Variants in SLC9A6 observed in about 807,000 individuals in gnomAD.
SLC9A6 encodes solute carrier family 9 member A6.
In SLC9A6, 6 loss-of-function variants were observed where a neutral mutation model predicts 45.3. That is an observed-to-expected ratio of 0.13 (90% CI 0.07 to 0.26). The LOEUF (loss-of-function observed/expected upper bound fraction) is 0.26. SLC9A6 is among the 10% of genes least tolerant of loss of function. SLC9A6 has a pLI of 1.00. For synonymous variants in SLC9A6, 191 were observed against 187.7 expected, an observed-to-expected ratio of 1.02 and a Z score of -0.14; for missense variants, 278 against 503.7, an observed-to-expected ratio of 0.55 and a Z score of 4.29.
chrX:135,985,545 G>T, intron 1 of SLC9A6, 58 bp from the exon 2 acceptor site: 1 of 1,173,041 alleles, frequency 8.5e-7, no homozygotes, highest in Non-Finnish European at 1.1e-6. Flanking sequence ...CCGCCGTGGC[G>T]TCGGCAGCAG....
intron 15 of SLC9A6, chrX:136,033,194 G>GT (rs1470846647): frequency 7.8e-6 from 2 of 256,073 alleles, no homozygotes; most frequent in African/African-American, 5.7e-5. Context: ...GAGTAGATTC[G>GT]TAAGTTAGCA....
chrX:136,027,755 A>G (rs1362693086), intron 13 of SLC9A6, among the ~76,000 whole-genome samples: 1 of 112,274 alleles, frequency 8.9e-6, no homozygotes, highest in Non-Finnish European at 1.9e-5. Flanking sequence ...ATGGTAAGGG[A>G]TTTGGATTTT....
At chrX:136,012,887 G>A in intron 8 of SLC9A6, 62 bp from the exon 9 acceptor site, 7 of 862,063 alleles carry the variant, frequency 8.1e-6, no homozygotes, top group Non-Finnish European at 1.2e-5. Flanking sequence ...TGCTTAAACT[G>A]TTATTTTTTC....
chrX:136,010,296 G>T, intron 7 of SLC9A6, 146 bp from the exon 8 acceptor site: 1 of 565,445 alleles, frequency 1.8e-6, no homozygotes, highest in Non-Finnish European at 2.8e-6. Context: ...CAGGATTTTT[G>T]GGTAATTTTG....
chrX:135,998,191 T>A lies in SLC9A6; in HGVS notation c.447+6T>A, dbSNP rs782310816. The A allele has an allele frequency of 6.8e-6, 7 of 1,035,203 alleles. No homozygotes were observed. The highest frequency in any genetic ancestry group is 9.5e-6 in the Non-Finnish European group (7 of 734,730). 85.3% of individuals were successfully genotyped at this position (1,035,203 alleles called of 1,213,427 possible). A position where few individuals can be genotyped will look rare whatever the true frequency, so the allele number is the denominator to read the frequency against. On this transcript the variant is annotated splice_donor_region_variant and intron_variant, in intron 4 of 17. Coordinates refer to ENST00000630721, the MANE Select transcript of SLC9A6 (RefSeq NM_001379110.1). ...CAGGTTATAGCCTGAAAAGGGTAAGTCCTTTTGTCTTTCATATACTTTGAA... is the reference window on the plus strand; with the variant it reads ...CAGGTTATAGCCTGAAAAGGGTAAGACCTTTTGTCTTTCATATACTTTGAA...
Position 135,985,613 on chromosome X carries a change from T to C in SLC9A6, c.-46T>C. On this transcript the variant is annotated 5_prime_UTR_variant, in exon 2 of 18. Coordinates refer to ENST00000630721, the MANE Select transcript of SLC9A6 (RefSeq NM_001379110.1). ...GGTTGCTCCTCGCAGTGGGCGTCTT[T>C]GACTGGGCAGGGGCTTCGGACGGCG... 8.3e-7 allele frequency: 1 copy of C among 1,208,874 alleles called. No homozygotes were observed. Among genetic ancestry groups the C allele is most frequent in the Non-Finnish European group, 1.1e-6 (1 of 894,474 alleles).
chrX:136,003,150 G>A (rs1463026207), intron 7 of SLC9A6, among the ~76,000 whole-genome samples: 8 of 110,123 alleles, frequency 7.3e-5, no homozygotes, highest in African/African-American at 9.9e-5. Context: ...CACCACGCCC[G>A]GCTAATTTTT....
chrX:135,984,997 G>GT (rs782717797), upstream of SLC9A6: 619 of 101,015 alleles, frequency 6.1e-3, 3 homozygotes, highest in Middle Eastern at 0.015. Flanking sequence ...GTTTTTTTGT[G>GT]TTTTTTTTTT....
chrX:136,013,386 A>C lies in SLC9A6; in HGVS notation c.1029A>C (p.Ala343=), dbSNP rs142049079. 6,095 of 1,206,366 alleles carry C rather than the reference A, an allele frequency of 5.1e-3. 22 individuals carry two copies. Among genetic ancestry groups the C allele is most frequent in the Middle Eastern group, 0.015 (64 of 4,299 alleles). Residue 343 remains alanine, a synonymous_variant, in exon 10 of 18, where the codon GCA becomes GCC. Transcript: ENST00000630721. ...TATTGTTTTGTGGCATCACACAAGCACATTATACGTATAATAATTTGTCCA... is the reference window on the plus strand; with the variant it reads ...TATTGTTTTGTGGCATCACACAAGCCCATTATACGTATAATAATTTGTCCA... ...VAVLFCGITQ[A]HYTYNNLSTE...
chrX:136,010,973 G>A (rs1354476530), intron 8 of SLC9A6, among the ~76,000 whole-genome samples: 2 of 112,160 alleles, frequency 1.8e-5, no homozygotes, highest in African/African-American at 6.5e-5. Flanking sequence ...ATGTACAACA[G>A]CGACGCCGAA....
chrX:135,991,058 T>G (rs782726287), intron 2 of SLC9A6, among the ~76,000 whole-genome samples: 1 of 111,854 alleles, frequency 8.9e-6, no homozygotes, highest in Non-Finnish European at 1.9e-5. Flanking sequence ...AGTTTTTAAT[T>G]TTGTTTTTGG....
At chrX:136,034,804 C>T (rs1603220641) in intron 16 of SLC9A6, among the ~76,000 whole-genome samples, 1 of 111,624 alleles carries the variant, frequency 9.0e-6, no homozygotes, top group East Asian at 2.8e-4. Flanking sequence ...TTAAGACTCC[C>T]ATTAGAGAAA....
At chrX:135,992,393 C>T (rs1440849327) in intron 2 of SLC9A6, among the ~76,000 whole-genome samples, 6 of 112,174 alleles carry the variant, frequency 5.3e-5, no homozygotes, top group African/African-American at 1.9e-4. Flanking sequence ...TAGTCTAGAC[C>T]AGTCTTTCTA....
At chrX:135,982,309 G>A (rs1328782665), upstream of SLC9A6, among the ~76,000 whole-genome samples, 1 of 92,570 alleles carries the variant, frequency 1.1e-5, no homozygotes, top group African/African-American at 4.1e-5. Context: ...ATGAAAAGGT[G>A]TTTCTCAGAG....
At chrX:136,028,093 G>A (rs2071260189) in intron 13 of SLC9A6, among the ~76,000 whole-genome samples, 1 of 112,313 alleles carries the variant, frequency 8.9e-6, no homozygotes. Context: ...TTATGTTGGT[G>A]CAACATTGGG....
intron 16 of SLC9A6, among the ~76,000 whole-genome samples, chrX:136,034,171 C>T (rs1005507056): frequency 3.6e-5 from 4 of 110,455 alleles, no homozygotes; most frequent in African/African-American, 1.3e-4. Context: ...CCGGGCCACA[C>T]AGCAGGAGGT....
rs1352389345 is a variant in SLC9A6 at position 135,991,667 on chromosome X, C to T, written c.170-3119C>T. Among the ~76,000 whole-genome samples the T allele has an allele frequency of 2.7e-5, 3 of 111,551 alleles. No homozygotes were observed. The East Asian group carries it at 8.4e-4, about 31-fold the overall frequency. ...TGCTCTTATCAAGGTCACCTATGGC[C>T]TCCTTGTTGCCAAACCCAATGGATA... On this transcript the variant is annotated intron_variant, in intron 2 of 17. Transcript: ENST00000630721.
At chrX:135,989,457 G>A (rs1194606037) in intron 2 of SLC9A6, among the ~76,000 whole-genome samples, 3 of 112,068 alleles carry the variant, frequency 2.7e-5, no homozygotes, top group Non-Finnish European at 5.6e-5. Flanking sequence ...TCTGGAGTCC[G>A]AGGTTTAACC....
intron 1 of SLC9A6, among the ~76,000 whole-genome samples, chrX:135,977,485 G>C (rs907495219): frequency 3.6e-5 from 4 of 111,709 alleles, no homozygotes; most frequent in African/African-American, 1.3e-4. Context: ...ATTCTCCCTC[G>C]ATCTGGCACA....
Sources: allele counts gnomAD v4.1 joint callset (sites outside exome capture counted in the v4.1 genomes callset), GRCh38; gene constraint gnomAD v4.1.1; transcripts MANE v1.5; gene names NCBI Gene and HGNC (gene_info 2026-07-23, HGNC 2026-07-21).